Variants in RTBDN observed in about 807,000 individuals in gnomAD.
RTBDN encodes retbindin.
In RTBDN, 24 loss-of-function variants were observed where a neutral mutation model predicts 21.9. That is an observed-to-expected ratio of 1.10 (90% confidence interval 0.79 to 1.54). The LOEUF is 1.54. Ranked by LOEUF, RTBDN falls within the 40% of genes most tolerant of loss-of-function variation. The pLI is 0.00. For missense variants in RTBDN, 325 were observed against 315.2 expected (o/e 1.03, Z -0.23); for synonymous variants, 141 against 125.9 (o/e 1.12, Z -0.80).
At chr19:12,831,422 C>T (rs889616092) in intron 1 of RTBDN, among the ~76,000 whole-genome samples, 3 of 152,156 alleles carry the variant, frequency 2.0e-5, no homozygotes, top group African/African-American at 7.2e-5. Flanking sequence ...ATGAAAATTT[C>T]AGCCAGGCAT....
At chr19:12,831,629 C>G (rs1599563325) in intron 1 of RTBDN, among the ~76,000 whole-genome samples, 3 of 152,162 alleles carry the variant, frequency 2.0e-5, no homozygotes, top group Admixed American at 2.0e-4. Flanking sequence ...TAGTTTGAAC[C>G]TGGGAAGCAG....
Position 12,828,627 on chromosome 19 carries a change from AC to A in RTBDN, c.365+29del, listed in dbSNP as rs764069186. 4 of 1,563,354 alleles carry A rather than the reference AC, an allele frequency of 2.6e-6. No individual in the cohort carries two copies. In the Admixed American group the frequency reaches 7.0e-5, roughly 27 times the overall value. On this transcript the variant is annotated intron_variant, in intron 4 of 5. Coordinates refer to ENST00000674343, the MANE Select transcript of RTBDN (RefSeq NM_001270441.2). Reference sequence around the variant, plus strand: ...CGCCCTCTTCCCCGCCCAAGTCACAACCCACGCCCCTTGCCCCCGCGTCTCC... The same window carrying A: ...CGCCCTCTTCCCCGCCCAAGTCACAACCACGCCCCTTGCCCCCGCGTCTCC...
intron 5 of RTBDN, 93 bp from the exon 6 acceptor site, chr19:12,826,026 G>T: frequency 1.4e-6 from 2 of 1,443,478 alleles, no homozygotes; most frequent in South Asian, 1.5e-5. Flanking sequence ...AATTCCTTAG[G>T]GATTGGGGTC....
chr19:12,826,855 C>T lies in RTBDN; in HGVS notation c.382G>A (p.Asp128Asn), dbSNP rs935439991. 2.6e-6 allele frequency: 4 copies of T among 1,552,108 alleles called. No homozygotes were observed. Among genetic ancestry groups the T allele is most frequent in the Non-Finnish European group, 3.5e-6 (4 of 1,148,160 alleles). ...CAAGTCGGGCCGCAGGTGATATCAT[C>T]TTCGCAGTTGGCGAACCTGGAGATG... Reference protein sequence around the residue: ...LCQAWFANCEDDITCGPTWLP... With the variant: ...LCQAWFANCENDITCGPTWLP... Residue 128 changes from aspartate to asparagine, a missense_variant, in exon 5 of 6, where the codon GAT becomes AAT. Coordinates refer to ENST00000674343, the MANE Select transcript of RTBDN (RefSeq NM_001270441.2).
At position 12,825,798 on chromosome 19, in the gene RTBDN, C is replaced by T. The variant is rs747608081; in HGVS notation, c.598G>A (p.Glu200Lys). 2.5e-6 allele frequency: 4 copies of T among 1,611,364 alleles called. No homozygotes were observed. Among genetic ancestry groups the T allele is most frequent in the Non-Finnish European group, 2.5e-6 (3 of 1,178,420 alleles). ...PRPRPGRRGR[E>K]APSRRSRSPR... ...CTGCGGGAACGCCGGGAGGGAGCTT[C>T]CCGGCCCCGTCGTCCTGGTCTGGGA... Residue 200 changes from glutamate to lysine, a missense_variant, in exon 6 of 6, where the codon GAA becomes AAA. Coordinates refer to ENST00000674343, the MANE Select transcript of RTBDN (RefSeq NM_001270441.2).
At position 12,830,183 on chromosome 19, in the gene RTBDN, C is replaced by T. The variant is rs537573142; in HGVS notation, c.-18-186G>A. Reference sequence around the variant, plus strand: ...CAGGGCCTGCCTCCAACCTAGGAGCCCCCCTCCCATCAGAACCATGTCCTC... The same window carrying T: ...CAGGGCCTGCCTCCAACCTAGGAGCTCCCCTCCCATCAGAACCATGTCCTC... On this transcript the variant is annotated intron_variant, in intron 1 of 5. Coordinates refer to ENST00000674343, the MANE Select transcript of RTBDN (RefSeq NM_001270441.2). This position sits in a 1 kb window ranked among gnomAD's most constrained non-coding sequence, Gnocchi z 4.2. 148 of 1,326,142 alleles carry T rather than the reference C, an allele frequency of 1.1e-4. No individual in the cohort carries two copies. Among genetic ancestry groups the T allele is most frequent in the Middle Eastern group, 2.8e-4 (1 of 3,598 alleles). 82.1% of individuals were successfully genotyped at this position (1,326,142 alleles called of 1,614,324 possible).
chr19:12,829,011 C>T (rs1169498258), intron 2 of RTBDN, 58 bp from the exon 3 acceptor site: 12 of 1,605,494 alleles, frequency 7.5e-6, no homozygotes, highest in Non-Finnish European at 1.0e-5. Flanking sequence ...GGTTTGGGAA[C>T]TGAGGCCTGG....
Position 12,830,559 on chromosome 19 carries a change from G to T in RTBDN, c.-18-562C>A, listed in dbSNP as rs147672257. 13,114 of 984,070 alleles carry T rather than the reference G, an allele frequency of 0.013. 106 individuals are homozygous for T. The highest frequency in any genetic ancestry group is 0.035 in the Middle Eastern group (68 of 1,916). 61.0% of individuals were successfully genotyped at this position (984,070 alleles called of 1,614,324 possible). A position where few individuals can be genotyped will look rare whatever the true frequency, so the allele number is the denominator to read the frequency against. On this transcript the variant is annotated intron_variant, in intron 1 of 5. Transcript: ENST00000674343. This position sits in a 1 kb window ranked among gnomAD's most constrained non-coding sequence, Gnocchi z 4.2. ...AGCCCCGAGGCAGGGACAGCTAGCG[G>T]TCTGTGGAGACAAGACTGTCCCCTT...
At chr19:12,834,813 G>T, upstream of RTBDN, 3 of 1,614,212 alleles carry the variant, frequency 1.9e-6, no homozygotes, top group Non-Finnish European at 1.7e-6. This position sits in a 1 kb window ranked among gnomAD's most constrained non-coding sequence, Gnocchi z 4.7. Context: ...TTCTGTAGCC[G>T]AGAAGCGTCC....
At chr19:12,833,651 TG>T (rs1969653782) in intron 1 of RTBDN, among the ~76,000 whole-genome samples, 1 of 152,098 alleles carries the variant, frequency 6.6e-6, no homozygotes, top group South Asian at 2.1e-4. Flanking sequence ...ATCTCTCCTC[TG>T]GGGTGTCTCT....
At chr19:12,827,525 G>T (rs914798326) in intron 4 of RTBDN, among the ~76,000 whole-genome samples, 4 of 151,768 alleles carry the variant, frequency 2.6e-5, no homozygotes, top group Admixed American at 2.0e-4. Context: ...GTTTCACCAC[G>T]TTGGCCAAGC....
In RTBDN at chr19:12,825,719, C is replaced by T. The variant is rs1969260338; in HGVS notation, c.677G>A (p.Gly226Asp). The T allele has an allele frequency of 1.3e-6, 2 of 1,578,382 alleles. No homozygotes were observed. The highest frequency in any genetic ancestry group is 1.8e-5 in the Admixed American group (1 of 54,168). ...AAGSGSGSGS[G>D]SGP The stretch of plus-strand genomic sequence containing the variant: ...GCCACGCGTCCGCTAGGGGCCGCTG[C>T]CGCTTCCACTGCCACTCCCGCTGCC... Residue 226 changes from glycine (G) to aspartate (D), a missense_variant, in exon 6 of 6, where the codon GGC becomes GAC. Transcript: ENST00000674343.
In RTBDN at chr19:12,825,895, C is replaced by T; in HGVS notation, c.501G>A (p.Leu167=). The T allele has an allele frequency of 1.2e-6, 2 of 1,609,496 alleles. No individual in the cohort carries two copies. The part of the protein sequence containing the change: ...ADGTDLCRSA[L]GHALPVAAPG... ...GAGCAGCCACCGGTAGGGCGTGGCC[C>T]AGAGCCGAGCGACAAAGGTCCGTCC... Residue 167 remains leucine (L), a synonymous_variant, in exon 6 of 6, where the codon CTG becomes CTA. Transcript: ENST00000674343.
chr19:12,830,135 A>T lies in RTBDN; in HGVS notation c.-18-138T>A. ...GAGGAGGCTGGGGCAGTGGCCAAGGACGTTCAAATCCCAGGAGACCATCAG... is the reference window on the plus strand; with the variant it reads ...GAGGAGGCTGGGGCAGTGGCCAAGGTCGTTCAAATCCCAGGAGACCATCAG... On this transcript the variant is annotated intron_variant, in intron 1 of 5. Transcript: ENST00000674343. This position sits in a 1 kb window ranked among gnomAD's most constrained non-coding sequence, Gnocchi z 4.2. The T allele has an allele frequency of 7.8e-7, 1 of 1,276,906 alleles. No individual in the cohort carries two copies. The highest frequency in any genetic ancestry group is 2.7e-5 in the Admixed American group (1 of 36,588). The allele number at this position is 1,276,906 out of a possible 1,614,324, so 79.1% of individuals were successfully genotyped here.
intron 5 of RTBDN, 40 bp downstream of exon 5, chr19:12,826,735 G>A (rs545598954): frequency 8.6e-6 from 10 of 1,168,022 alleles, no homozygotes; most frequent in Non-Finnish European, 1.2e-5. Flanking sequence ...TGGTGGGGAG[G>A]ATCTCAGTCT....
upstream of RTBDN, chr19:12,835,029 A>G: frequency 6.2e-7 from 1 of 1,601,460 alleles, no homozygotes; most frequent in African/African-American, 1.3e-5. Context: ...ATGGGCCCAG[A>G]CTCAGGCTCC....
chr19:12,834,831 G>C (rs1969701891), upstream of RTBDN: 1 of 1,614,168 alleles, frequency 6.2e-7, no homozygotes, highest in Non-Finnish European at 8.5e-7. This position sits in a 1 kb window ranked among gnomAD's most constrained non-coding sequence, Gnocchi z 4.7. Context: ...TCCTCTGCTC[G>C]TCTTCAGCTG....
rs1276299194 is a variant in RTBDN, at chr19:12,834,098, A to G, written c.-19+391T>C. ...AGGCGGGAGAACTTGCACTAGGGTC[A>G]GCCGGGACGCCCCCACCCATAGGTT... On this transcript the variant is annotated intron_variant, in intron 1 of 5. Coordinates refer to ENST00000674343, the MANE Select transcript of RTBDN (RefSeq NM_001270441.2). This position sits in a 1 kb window ranked among gnomAD's most constrained non-coding sequence, Gnocchi z 4.7. 2.5e-6 allele frequency: 1 copy of G among 399,072 alleles called. No individual in the cohort carries two copies. Among genetic ancestry groups the G allele is most frequent in the Non-Finnish European group, 4.4e-6 (1 of 226,360 alleles). The allele number at this position is 399,072 out of a possible 1,614,324, so 24.7% of individuals were successfully genotyped here.
At position 12,829,804 on chromosome 19, in the gene RTBDN, T is replaced by C; in HGVS notation, c.169+7A>G. ...GTTGGTGGTGAGGCAGGGTCTGGGGTGCTCACCTGCCAGGTGCAGCTTGCC... is the reference window on the plus strand; with the variant it reads ...GTTGGTGGTGAGGCAGGGTCTGGGGCGCTCACCTGCCAGGTGCAGCTTGCC... On this transcript the variant is annotated splice_region_variant and intron_variant, in intron 2 of 5. Coordinates refer to ENST00000674343, the MANE Select transcript of RTBDN (RefSeq NM_001270441.2). 1 of 1,605,480 alleles carries C rather than the reference T, an allele frequency of 6.2e-7. No individual in the cohort carries two copies. Among genetic ancestry groups the C allele is most frequent in the African/African-American group, 1.3e-5 (1 of 74,864 alleles).
Sources: allele counts gnomAD v4.1 joint callset (sites outside exome capture counted in the v4.1 genomes callset), GRCh38; gene constraint gnomAD v4.1.1; non-coding constraint Gnocchi (gnomAD v3.1); transcripts MANE v1.5; gene names NCBI Gene and HGNC (gene_info 2026-07-23, HGNC 2026-07-21).